The following STON1 variants were observed in gnomAD, a reference collection of about 807,000 sequenced individuals.
STON1 encodes stonin 1.
STON1 carries 79 observed loss-of-function variants against 60.9 expected under a neutral mutation model. The ratio of observed to expected loss-of-function variants is 1.30; its 90% CI spans 1.08 to 1.56. The LOEUF (loss-of-function observed/expected upper bound fraction) is 1.56, where lower values mean the gene tolerates loss of function less well. Ranked by LOEUF, STON1 falls within the 40% of genes most tolerant of loss-of-function variation. The pLI is 0.00. For synonymous variants in STON1, 363 were observed against 306.9 expected (o/e 1.18, Z -1.91); for missense variants, 1,166 against 858.9 (o/e 1.36, Z -4.47).
intron 1 of STON1, among the ~76,000 whole-genome samples, chr2:48,538,247 G>A (rs1671510217): frequency 1.3e-5 from 2 of 151,976 alleles, no homozygotes; most frequent in African/African-American, 4.8e-5. Flanking sequence ...ATGAGCCACC[G>A]TGCCTGGCTG....
intron 1 of STON1, among the ~76,000 whole-genome samples, chr2:48,569,268 A>C (rs6732365): frequency 0.35 from 52,697 of 152,076 alleles, 9,259 homozygotes; most frequent in East Asian, 0.42. Context: ...AGAAAGCCTT[A>C]AATGTCTTCC....
intron 2 of STON1, among the ~76,000 whole-genome samples, chr2:48,584,010 T>A (rs6757847): frequency 0.32 from 48,977 of 151,808 alleles, 8,065 homozygotes; most frequent in East Asian, 0.42. Context: ...CGGCCTCCCA[T>A]AGTGCTGGGA....
rs34995168 is a variant in STON1, at chr2:48,579,315, CT to C, written c.-47-1261del. 4.3e-4 allele frequency among the ~76,000 whole-genome samples: 64 copies of C among 147,184 alleles called. No individual in the cohort carries two copies. The South Asian group carries it at 6.9e-3, about 16-fold the overall frequency. On this transcript the variant is annotated intron_variant, in intron 1 of 3. Transcript: ENST00000404752. ...CCACTGCACCCAGCCCTCTTTCTTC[CT>C]TTTTTTTTTTGAGACGGAGTCTCAC... is the stretch of plus-strand genomic sequence containing the variant.
intron 1 of STON1, among the ~76,000 whole-genome samples, chr2:48,550,100 C>A (rs1236577748): frequency 6.6e-6 from 1 of 152,012 alleles, no homozygotes; most frequent in Admixed American, 6.6e-5. Flanking sequence ...AAGTGTGGAG[C>A]AAGACTTGCT....
At chr2:48,588,634 G>A (rs1251713700) in intron 2 of STON1, among the ~76,000 whole-genome samples, 1 of 152,158 alleles carries the variant, frequency 6.6e-6, no homozygotes, top group Non-Finnish European at 1.5e-5. Context: ...ATAGGTATAA[G>A]CTACCTACCG....
At position 48,595,484 on chromosome 2, in the gene STON1, G is replaced by A. The variant is rs888832859; in HGVS notation, c.*182G>A. On this transcript the variant is annotated 3_prime_UTR_variant, in exon 4 of 4. Transcript: ENST00000404752. Reference sequence around the variant, plus strand: ...ACAATCTGTATTTTTTGCTTTTCATGTGTTTTTGTCCTAGGGGTTCGATCT... The same window carrying A: ...ACAATCTGTATTTTTTGCTTTTCATATGTTTTTGTCCTAGGGGTTCGATCT... The A allele has an allele frequency of 3.5e-6, 2 of 568,066 alleles. No individual in the cohort carries two copies. Among genetic ancestry groups the A allele is most frequent in the Non-Finnish European group, 6.2e-6 (2 of 324,072 alleles). 35.2% of individuals were successfully genotyped at this position (568,066 alleles called of 1,614,324 possible).
Position 48,591,755 on chromosome 2 carries a change from C to T in STON1, c.2033C>T (p.Pro678Leu). 1 of 1,614,190 alleles carries T rather than the reference C, an allele frequency of 6.2e-7. No individual in the cohort carries two copies. The highest frequency in any genetic ancestry group is 8.5e-7 in the Non-Finnish European group (1 of 1,180,044). Residue 678 changes from proline (P) to leucine (L), a missense_variant, in exon 3 of 4, where the codon CCT becomes CTT. Coordinates refer to ENST00000404752, the MANE Select transcript of STON1 (RefSeq NM_006873.4). ...YPFATVQFSV[P>L]DTCASRTEVR... ...TTTGCTACTGTTCAGTTTTCCGTGCCTGACACCTGTGCCTCAAGGACAGAG... is the reference window on the plus strand; with the variant it reads ...TTTGCTACTGTTCAGTTTTCCGTGCTTGACACCTGTGCCTCAAGGACAGAG...
At chr2:48,593,448 A>T (rs1453594703) in intron 3 of STON1, among the ~76,000 whole-genome samples, 2 of 152,214 alleles carry the variant, frequency 1.3e-5, no homozygotes, top group Admixed American at 6.5e-5. Flanking sequence ...TATTTCAAAA[A>T]TCACAAAAAT....
Position 48,595,375 on chromosome 2 carries a change from A to G in STON1, c.*73A>G, listed in dbSNP as rs1674743976. 4 of 1,342,756 alleles carry G rather than the reference A, an allele frequency of 3.0e-6. No individual in the cohort carries two copies. Among genetic ancestry groups the G allele is most frequent in the African/African-American group, 1.5e-5 (1 of 68,912 alleles). 83.2% of individuals were successfully genotyped at this position (1,342,756 alleles called of 1,614,324 possible). On this transcript the variant is annotated 3_prime_UTR_variant, in exon 4 of 4. Transcript: ENST00000404752. ...CACCGAAACCACACCAAGTCCTGCT[A>G]CTGTAGAGTGGAAATGACTTCTGAA...
At chr2:48,542,999 G>C (rs1454880695) in intron 1 of STON1, among the ~76,000 whole-genome samples, 1 of 130,224 alleles carries the variant, frequency 7.7e-6, no homozygotes, top group Non-Finnish European at 1.6e-5. Flanking sequence ...TTTTGAGATA[G>C]AGTCTCACTT....
In STON1 at chr2:48,582,417, C is replaced by G. The variant is rs768358803; in HGVS notation, c.1784C>G (p.Ala595Gly). The G allele has an allele frequency of 6.2e-7, 1 of 1,614,162 alleles. No homozygotes were observed. The highest frequency in any genetic ancestry group is 8.5e-7 in the Non-Finnish European group (1 of 1,180,036). ...MNLQRQKSLK[A>G]KMNRRACLGS... is the part of the protein sequence containing the mutation. ...CTCCAGAGGCAGAAGTCTCTGAAAG[C>G]TAAAATGAACCGCCGAGCATGTCTG... Residue 595 changes from alanine to glycine, a missense_variant, in exon 2 of 4, where the codon GCT becomes GGT. Transcript: ENST00000404752.
intron 1 of STON1, among the ~76,000 whole-genome samples, chr2:48,565,482 G>C (rs1672902491): frequency 6.6e-6 from 1 of 152,148 alleles, no homozygotes; most frequent in Non-Finnish European, 1.5e-5. Context: ...ATTTTGTGGG[G>C]ACACAAACAT....
rs181283017 is a variant in STON1, at chr2:48,538,325, C to T, written c.-48+8109C>T. 5.3e-5 allele frequency among the ~76,000 whole-genome samples: 8 copies of T among 152,214 alleles called. No homozygotes were observed. In the East Asian group the frequency reaches 1.4e-3, roughly 26 times the overall value. On this transcript the variant is annotated intron_variant, in intron 1 of 3. Coordinates refer to ENST00000404752, the MANE Select transcript of STON1 (RefSeq NM_006873.4). ...ATCTGTTTCTTAAAATTTGGTAAAA[C>T]TCATTACGAAATCATCTGAACCACT...
intron 1 of STON1, among the ~76,000 whole-genome samples, chr2:48,542,614 G>A (rs558855192): frequency 3.3e-5 from 5 of 152,276 alleles, no homozygotes; most frequent in African/African-American, 9.6e-5. Context: ...GCTTCAGGAG[G>A]TCTAATCAGG....
intron 1 of STON1, among the ~76,000 whole-genome samples, chr2:48,577,448 G>A (rs1673580115): frequency 6.6e-6 from 1 of 151,862 alleles, no homozygotes. Flanking sequence ...TGGCGTGGTG[G>A]TGCGTGCCTG....
Position 48,581,364 on chromosome 2 carries a change from C to T in STON1, c.731C>T (p.Ser244Leu), listed in dbSNP as rs1673873268. The part of the protein sequence containing the change: ...EHLQSAENQD[S>L]LRSLSMHCLC... The stretch of plus-strand genomic sequence containing the variant: ...CTCCAGTCAGCTGAGAACCAAGACT[C>T]ACTTAGAAGTTTGTCTATGCACTGT... The change falls in exon 2 of 4, where the codon TCA becomes TTA. Residue 244 changes from serine (S) to leucine (L), a missense_variant. By Grantham distance (145) the Ser-to-Leu change is moderately radical. Coordinates refer to ENST00000404752, the MANE Select transcript of STON1 (RefSeq NM_006873.4). The T allele has an allele frequency of 1.3e-6, 2 of 1,570,580 alleles. No homozygotes were observed. The highest frequency in any genetic ancestry group is 1.8e-5 in the Admixed American group (1 of 54,526).
chr2:48,539,145 T>C (rs1671553645), intron 1 of STON1, among the ~76,000 whole-genome samples: 1 of 152,164 alleles, frequency 6.6e-6, no homozygotes, highest in Non-Finnish European at 1.5e-5. Flanking sequence ...CTGAAACTCC[T>C]GTCCTCAGGT....
intron 1 of STON1, among the ~76,000 whole-genome samples, chr2:48,540,475 G>A (rs1395491657): frequency 2.0e-5 from 3 of 152,182 alleles, no homozygotes; most frequent in African/African-American, 7.2e-5. Flanking sequence ...AGGAGGACCG[G>A]GTTGATGGAG....
At chr2:48,544,169 T>A (rs1671768715) in intron 1 of STON1, among the ~76,000 whole-genome samples, 1 of 150,460 alleles carries the variant, frequency 6.6e-6, no homozygotes, top group Admixed American at 6.8e-5. Context: ...TATTCTTTTT[T>A]TTCTTCTCTG....
Sources: gnomAD v4.1 joint callset for allele counts (sites outside exome capture counted in the v4.1 genomes callset) on GRCh38, gnomAD v4.1.1 for gene constraint, MANE v1.5 for transcripts, NCBI Gene and HGNC (gene_info 2026-07-23, HGNC 2026-07-21) for gene names.